The following PABPC4L variants were observed in gnomAD, a reference collection of about 807,000 sequenced individuals.
PABPC4L encodes polyadenylate-binding protein 4-like.
For missense variants in PABPC4L, 452 were observed against 451.4 expected, an observed-to-expected ratio of 1.00 and a Z score of -0.01; for synonymous variants, 169 against 164.1, an observed-to-expected ratio of 1.03 and a Z score of -0.23.
the PABPC4L span, among the ~76,000 whole-genome samples, chr4:133,984,204 A>T: frequency 6.6e-6 from 1 of 152,002 alleles, no homozygotes; most frequent in Admixed American, 6.6e-5. Flanking sequence ...CTTTAAAAAC[A>T]ATTTCTAAAG....
chr4:134,112,901 G>A, the PABPC4L span, among the ~76,000 whole-genome samples: 1 of 151,906 alleles, frequency 6.6e-6, no homozygotes, highest in Non-Finnish European at 1.5e-5. Context: ...GCGTGTTACT[G>A]CTTCTGAAGA....
At chr4:134,187,541 C>T in the PABPC4L span, among the ~76,000 whole-genome samples, 2 of 32,480 alleles carry the variant, frequency 6.2e-5, no homozygotes, top group South Asian at 1.1e-3. Flanking sequence ...CAGGGCCTGT[C>T]GTGGGGTGGG....
the PABPC4L span, among the ~76,000 whole-genome samples, chr4:134,054,252 G>GTATATATATATATATA: frequency 7.5e-5 from 7 of 93,784 alleles, no homozygotes; most frequent in East Asian, 1.0e-3. Flanking sequence ...AGTTGTATAT[G>GTATATATATATATATA]TATATATATA....
At chr4:133,979,954 A>G in the PABPC4L span, among the ~76,000 whole-genome samples, 3 of 151,872 alleles carry the variant, frequency 2.0e-5, no homozygotes, top group Admixed American at 2.0e-4. Context: ...ATGTATTTCT[A>G]TTTTCTAGCT....
the PABPC4L span, among the ~76,000 whole-genome samples, chr4:134,034,365 C>T: frequency 6.6e-6 from 1 of 151,882 alleles, no homozygotes; most frequent in Non-Finnish European, 1.5e-5. Context: ...ATGTTGTTTT[C>T]ATGCCTATTA....
At chr4:134,130,761 A>AT in the PABPC4L span, among the ~76,000 whole-genome samples, 1 of 152,252 alleles carries the variant, frequency 6.6e-6, no homozygotes, top group African/African-American at 2.4e-5. Context: ...AGATGCAAAA[A>AT]TTCTCAACCA....
the PABPC4L span, among the ~76,000 whole-genome samples, chr4:133,996,378 T>A: frequency 6.6e-6 from 1 of 152,088 alleles, no homozygotes; most frequent in Non-Finnish European, 1.5e-5. Flanking sequence ...GAACCATGGG[T>A]TATGGGAAAC....
chr4:134,181,653 G>A, the PABPC4L span, among the ~76,000 whole-genome samples: 5 of 151,894 alleles, frequency 3.3e-5, no homozygotes, highest in African/African-American at 1.2e-4. Context: ...TCCTAGATAT[G>A]ATAAACTACT....
chr4:133,996,887 A>G, the PABPC4L span, among the ~76,000 whole-genome samples: 1 of 152,220 alleles, frequency 6.6e-6, no homozygotes, highest in Non-Finnish European at 1.5e-5. Flanking sequence ...AGTAGAGAGC[A>G]GTCCTGCAGT....
chr4:134,115,566 G>T, the PABPC4L span, among the ~76,000 whole-genome samples: 5 of 151,710 alleles, frequency 3.3e-5, no homozygotes, highest in Non-Finnish European at 7.4e-5. Flanking sequence ...GAGTCAGGGG[G>T]ATGAAAATTT....
the PABPC4L span, among the ~76,000 whole-genome samples, chr4:134,120,304 G>A: frequency 6.9e-6 from 1 of 145,544 alleles, no homozygotes; most frequent in South Asian, 2.2e-4. Context: ...GAACTAGAGT[G>A]ATTTTTTACC....
the PABPC4L span, among the ~76,000 whole-genome samples, chr4:134,029,240 TTACTG>T: frequency 1.3e-5 from 2 of 152,054 alleles, no homozygotes; most frequent in Non-Finnish European, 2.9e-5. Flanking sequence ...AGGACGACCT[TTACTG>T]TACTAGGCCT....
the PABPC4L span, among the ~76,000 whole-genome samples, chr4:134,168,453 C>CA: frequency 4.0e-5 from 6 of 150,482 alleles, no homozygotes; most frequent in South Asian, 2.1e-4. Flanking sequence ...ACAAAAAATA[C>CA]AAAAAAATTG....
At chr4:134,000,323 A>G in the PABPC4L span, among the ~76,000 whole-genome samples, 2 of 152,172 alleles carry the variant, frequency 1.3e-5, no homozygotes, top group Non-Finnish European at 2.9e-5. Context: ...AAAATATAAC[A>G]TTTGAACTAA....
At chr4:134,082,249 G>C in the PABPC4L span, among the ~76,000 whole-genome samples, 1 of 151,978 alleles carries the variant, frequency 6.6e-6, no homozygotes, top group Non-Finnish European at 1.5e-5. Flanking sequence ...TTTAAAACTT[G>C]TTAGCTTTGT....
chr4:134,010,874 T>C, the PABPC4L span, among the ~76,000 whole-genome samples: 1 of 151,824 alleles, frequency 6.6e-6, no homozygotes. Flanking sequence ...CCAATCTCTG[T>C]CACACATGTT....
At chr4:134,124,779 A>G in the PABPC4L span, among the ~76,000 whole-genome samples, 2 of 152,212 alleles carry the variant, frequency 1.3e-5, no homozygotes, top group South Asian at 4.1e-4. Flanking sequence ...CAAAATTCAT[A>G]TATTCAACAG....
the PABPC4L span, among the ~76,000 whole-genome samples, chr4:134,090,780 G>C: frequency 7.3e-5 from 11 of 151,624 alleles, no homozygotes; most frequent in African/African-American, 2.4e-4. Flanking sequence ...AAAATAAAAA[G>C]GTGGGAGGGG....
chr4:134,103,548 G>T, the PABPC4L span, among the ~76,000 whole-genome samples: 53,070 of 151,264 alleles, frequency 0.35, 11,756 homozygotes, highest in East Asian at 0.94. Context: ...ATTGATTAGG[G>T]CATATCCATA....
Sources: allele counts gnomAD v4.1 joint callset (sites outside exome capture counted in the v4.1 genomes callset), GRCh38; gene constraint gnomAD v4.1.1; transcripts MANE v1.5; gene names NCBI Gene and HGNC (gene_info 2026-07-23, HGNC 2026-07-21).